The following DPP10 variants were observed in gnomAD, a reference collection of about 807,000 sequenced individuals.
The protein encoded by DPP10 is dipeptidyl peptidase like 10.
In DPP10, 33 loss-of-function variants were observed where a neutral mutation model predicts 120.9. The ratio of observed to expected loss-of-function variants is 0.27; its 90% confidence interval spans 0.21 to 0.37. The LOEUF (loss-of-function observed/expected upper bound fraction) is 0.37, where lower values mean the gene tolerates loss of function less well. Among genes scored for constraint, DPP10 ranks in the 10% least tolerant of loss-of-function variants. The pLI, the probability that DPP10 is intolerant of heterozygous loss-of-function variation, is 1.00. For missense variants in DPP10, 816 were observed against 942.8 expected (o/e 0.87, Z 1.76); for synonymous variants, 337 against 326.1 (o/e 1.03, Z -0.36).
intron 7 of DPP10, among the ~76,000 whole-genome samples, chr2:115,717,193 G>A (rs1238124426): frequency 6.6e-6 from 1 of 152,094 alleles, no homozygotes; most frequent in Admixed American, 6.6e-5. Flanking sequence ...GGCTTTGAAG[G>A]TTAAACTGTT....
chr2:115,527,972 A>T (rs186646016), intron 5 of DPP10, among the ~76,000 whole-genome samples: 2 of 152,140 alleles, frequency 1.3e-5, no homozygotes, highest in African/African-American at 2.4e-5. Context: ...AAAACTAAGC[A>T]TATATTTGGG....
At chr2:115,224,848 T>C (rs72839264) in intron 1 of DPP10, among the ~76,000 whole-genome samples, 392 of 152,314 alleles carry the variant, frequency 2.6e-3, no homozygotes, top group Non-Finnish European at 3.9e-3. Context: ...GCTTACCGCA[T>C]GTTGAACATT....
chr2:115,067,317 T>C (rs1166682870), intron 1 of DPP10, among the ~76,000 whole-genome samples: 1 of 151,824 alleles, frequency 6.6e-6, no homozygotes, highest in Non-Finnish European at 1.5e-5. Flanking sequence ...GGTGGCGCCA[T>C]CTCTGCTCAC....
intron 3 of DPP10, among the ~76,000 whole-genome samples, chr2:115,474,247 T>G (rs1480120411): frequency 6.6e-6 from 1 of 152,200 alleles, no homozygotes; most frequent in Non-Finnish European, 1.5e-5. Flanking sequence ...AGAAAACTTT[T>G]CTGTTTTGAG....
intron 1 of DPP10, among the ~76,000 whole-genome samples, chr2:115,071,791 C>A (rs1707388897): frequency 6.6e-6 from 1 of 152,064 alleles, no homozygotes; most frequent in Admixed American, 6.5e-5. Context: ...GCCTGATCAC[C>A]TTAGTTTAAA....
At chr2:114,891,168 A>T (rs1217313285) in intron 1 of DPP10, among the ~76,000 whole-genome samples, 1 of 152,152 alleles carries the variant, frequency 6.6e-6, no homozygotes. Context: ...TGGGAAGAAT[A>T]TCTAGAATGT....
At chr2:115,212,358 G>A (rs1038023564) in intron 1 of DPP10, among the ~76,000 whole-genome samples, 1 of 152,158 alleles carries the variant, frequency 6.6e-6, no homozygotes, top group African/African-American at 2.4e-5. Flanking sequence ...ATGCACCAGT[G>A]TTTCTCTTTG....
At position 114,513,623 on chromosome 2, in the gene DPP10, A is replaced by AAAAGAAAGAAAG. The variant is rs61159493; in HGVS notation, c.60+70800_60+70811dup. Among the ~76,000 whole-genome samples, 7 of 150,372 alleles carry AAAAGAAAGAAAG rather than the reference A, an allele frequency of 4.7e-5. No individual in the cohort carries two copies. The South Asian group carries it at 6.3e-4, about 14-fold the overall frequency. On this transcript the variant is annotated intron_variant, in intron 1 of 25. Coordinates refer to ENST00000410059, the MANE Select transcript of DPP10 (RefSeq NM_020868.6). ...ACAGAAGAAAGGAAGGAAGGGAGGA[A>AAAAGAAAGAAAG]AAAGAAAGAAAGAAAGAAAGAAAGA... is the stretch of plus-strand genomic sequence containing the variant.
At chr2:115,199,350 A>G (rs767045568) in intron 1 of DPP10, among the ~76,000 whole-genome samples, 32 of 152,092 alleles carry the variant, frequency 2.1e-4, no homozygotes, top group South Asian at 4.1e-4. Context: ...TATGTAGTGT[A>G]GAGACTATCA....
intron 1 of DPP10, among the ~76,000 whole-genome samples, chr2:114,667,250 A>G (rs1217519607): frequency 6.6e-6 from 1 of 152,220 alleles, no homozygotes; most frequent in Non-Finnish European, 1.5e-5. Flanking sequence ...GGTGAATAAA[A>G]GCTAATTTTC....
intron 5 of DPP10, among the ~76,000 whole-genome samples, chr2:115,616,677 A>G (rs555022992): frequency 4.5e-4 from 68 of 152,184 alleles, no homozygotes; most frequent in African/African-American, 1.5e-3. Flanking sequence ...AAGGTGCAGT[A>G]GTGCACCTTG....
intron 1 of DPP10, among the ~76,000 whole-genome samples, chr2:114,749,812 T>C (rs527764339): frequency 1.2e-4 from 19 of 152,214 alleles, no homozygotes; most frequent in East Asian, 3.9e-4. Context: ...TAAATGATGC[T>C]GCATACAATG....
intron 5 of DPP10, among the ~76,000 whole-genome samples, chr2:115,605,831 A>G (rs955835924): frequency 4.6e-5 from 7 of 152,108 alleles, no homozygotes; most frequent in African/African-American, 1.7e-4. Flanking sequence ...CATCTTCCCA[A>G]CAATATTATG....
rs563521016 is a variant in DPP10 at position 114,525,679 on chromosome 2, T to C, written c.60+82841T>C. On this transcript the variant is annotated intron_variant, in intron 1 of 25. Transcript: ENST00000410059. ...CTTACTGTGATTTTCGCACAAGTCA[T>C]GTTACTATGTTTAACCTTTTGTTTC... 2.0e-4 allele frequency among the ~76,000 whole-genome samples: 30 copies of C among 152,340 alleles called. No homozygotes were observed. The South Asian group carries it at 4.1e-3, about 21-fold the overall frequency.
chr2:114,543,463 G>A (rs1406349401), intron 1 of DPP10, among the ~76,000 whole-genome samples: 1 of 152,166 alleles, frequency 6.6e-6, no homozygotes, highest in Non-Finnish European at 1.5e-5. Flanking sequence ...TTCCTTCTTG[G>A]AATTCAGTTG....
chr2:115,162,194 A>T, intron 1 of DPP10: 13 of 1,551,824 alleles, frequency 8.4e-6, no homozygotes, highest in Non-Finnish European at 1.1e-5. Context: ...CTCTGCGGGA[A>T]GTTAGAGCCT....
chr2:115,401,267 A>AT (rs1374927224), intron 3 of DPP10, among the ~76,000 whole-genome samples: 3 of 152,136 alleles, frequency 2.0e-5, no homozygotes, highest in Non-Finnish European at 4.4e-5. Flanking sequence ...CTCTATCCAA[A>AT]TAACTGGGTG....
chr2:115,533,425 T>G (rs925746685), intron 5 of DPP10, among the ~76,000 whole-genome samples: 4 of 152,058 alleles, frequency 2.6e-5, no homozygotes, highest in African/African-American at 9.7e-5. Flanking sequence ...TCATTTCAGT[T>G]TAGGTCTCTA....
intron 1 of DPP10, among the ~76,000 whole-genome samples, chr2:115,133,145 G>GTGTGTGTGTATATATA (rs1338395575): frequency 1.4e-4 from 4 of 28,770 alleles, no homozygotes; most frequent in African/African-American, 5.1e-4. Context: ...GTGTGTGTGT[G>GTGTGTGTGTATATATA]TATATATATA....
Sources: allele counts gnomAD v4.1 joint callset (sites outside exome capture counted in the v4.1 genomes callset), GRCh38; gene constraint gnomAD v4.1.1; transcripts MANE v1.5; gene names NCBI Gene and HGNC (gene_info 2026-07-23, HGNC 2026-07-21).